The following GRK7 variants were observed in gnomAD, a reference collection of about 807,000 sequenced individuals.
The protein encoded by GRK7 is rhodopsin kinase GRK7.
GRK7 carries 24 observed loss-of-function variants against 34.1 expected under a neutral mutation model. The observed-to-expected ratio is 0.70, with a 90% CI of 0.51 to 0.99. The LOEUF is 0.99. Ranked by LOEUF, GRK7 falls within the 50% of genes least tolerant of loss-of-function variation. The pLI, the probability that GRK7 is intolerant of heterozygous loss-of-function variation, is 0.00. For synonymous variants in GRK7, 256 were observed against 279.4 expected, an observed-to-expected ratio of 0.92 and a Z score of 0.84; for missense variants, 644 against 707.3, an observed-to-expected ratio of 0.91 and a Z score of 1.02.
At chr3:141,813,151 A>G (rs1577929013) in intron 5 of GRK7, among the ~76,000 whole-genome samples, 1 of 152,182 alleles carries the variant, frequency 6.6e-6, no homozygotes, top group East Asian at 1.9e-4. Context: ...TTTATGAGAG[A>G]GTCTTGCTCT....
intron 2 of GRK7, among the ~76,000 whole-genome samples, chr3:141,776,842 T>A (rs1181493695): frequency 6.6e-6 from 1 of 152,206 alleles, no homozygotes; most frequent in Non-Finnish European, 1.5e-5. Context: ...GGCATAATAC[T>A]GAATGACTTG....
At position 141,816,769 on chromosome 3, in the gene GRK7, C is replaced by T. The variant is rs36004830; in HGVS notation, c.1381C>T (p.Arg461Cys). The change falls in exon 6 of 6, where the codon CGC (arginine) becomes TGC (cysteine). Residue 461 changes from arginine to cysteine, a missense_variant. Coordinates refer to ENST00000682958, the MANE Select transcript of GRK7 (RefSeq NM_139209.3). ...HHFFKTINFPRLEAGLIEPPF... is the reference protein window; with the variant it reads ...HHFFKTINFPCLEAGLIEPPF... Reference sequence around the variant, plus strand: ...TTTCTTTAAAACGATCAACTTTCCTCGCCTGGAAGCTGGCCTAATTGAACC... The same window carrying T: ...TTTCTTTAAAACGATCAACTTTCCTTGCCTGGAAGCTGGCCTAATTGAACC... The T allele has an allele frequency of 3.7e-5, 58 of 1,573,824 alleles. No homozygotes were observed. Among genetic ancestry groups the T allele is most frequent in the Non-Finnish European group, 4.3e-5 (50 of 1,160,620 alleles).
At chr3:141,795,551 G>T (rs573877172) in intron 4 of GRK7, among the ~76,000 whole-genome samples, 1 of 152,188 alleles carries the variant, frequency 6.6e-6, no homozygotes, top group African/African-American at 2.4e-5. Context: ...CAGACACCAG[G>T]CCCTAGGGGC....
Position 141,765,113 on chromosome 3 carries a change from G to A in GRK7, c.-840G>A, listed in dbSNP as rs190640725. Among the ~76,000 whole-genome samples, 334 of 152,280 alleles carry A rather than the reference G, an allele frequency of 2.2e-3. 5 individuals are homozygous for A. Among genetic ancestry groups the A allele is most frequent in the East Asian group, 1.7e-3 (9 of 5,184 alleles). On this transcript the variant is annotated 5_prime_UTR_variant, in exon 1 of 6. Transcript: ENST00000682958. ...GAAGGAAAACCTAAGTTCTTGCAGT[G>A]ATCAGTACTGCCTCACTGGTCTGCT...
chr3:141,750,487 A>G, the GRK7 span, among the ~76,000 whole-genome samples: 3 of 152,226 alleles, frequency 2.0e-5, no homozygotes, highest in African/African-American at 4.8e-5. Context: ...CTAAAATGGT[A>G]TAACATTGTT....
In GRK7 at chr3:141,780,803, A is replaced by C. The variant is rs1232865199; in HGVS notation, c.1042A>C (p.Thr348Pro). The part of the protein sequence containing the change: ...AVEMKGGKPI[T>P]QRAGTNGYMA... ...GGAGATGAAGGGTGGCAAGCCCATC[A>C]CCCAGAGGGTGAGTGACTCTCCACC... The change falls in exon 4 of 6, where the codon ACC becomes CCC. Residue 348 changes from threonine to proline, a missense_variant. Transcript: ENST00000682958. 3 of 1,611,740 alleles carry C rather than the reference A, an allele frequency of 1.9e-6. No homozygotes were observed. The highest frequency in any genetic ancestry group is 1.7e-6 in the Non-Finnish European group (2 of 1,178,350).
At chr3:141,755,477 G>A in the GRK7 span, among the ~76,000 whole-genome samples, 2 of 152,346 alleles carry the variant, frequency 1.3e-5, no homozygotes, top group Admixed American at 1.3e-4. Context: ...CTGCCTGAGA[G>A]GGCCATATCC....
chr3:141,782,926 A>C (rs1577915789), intron 4 of GRK7, among the ~76,000 whole-genome samples: 1 of 152,356 alleles, frequency 6.6e-6, no homozygotes, highest in East Asian at 1.9e-4. Flanking sequence ...ACAATAGATT[A>C]AACAAGACAG....
the GRK7 span, among the ~76,000 whole-genome samples, chr3:141,750,190 T>C: frequency 2.6e-5 from 4 of 152,184 alleles, no homozygotes; most frequent in Non-Finnish European, 5.9e-5. Context: ...AATAAAACCC[T>C]CAATTTTCAT....
At chr3:141,805,876 A>AGCCTCGAACTCCTT (rs1246670825) in intron 4 of GRK7, among the ~76,000 whole-genome samples, 1 of 152,146 alleles carries the variant, frequency 6.6e-6, no homozygotes, top group African/African-American at 2.4e-5. Context: ...ATCGCACTAC[A>AGCCTCGAACTCCTT]GCCTCGAACT....
chr3:141,778,727 C>G lies in GRK7; in HGVS notation c.443C>G (p.Thr148Arg). 7 of 1,612,156 alleles carry G rather than the reference C, an allele frequency of 4.3e-6. No homozygotes were observed. Among genetic ancestry groups the G allele is most frequent in the Non-Finnish European group, 5.9e-6 (7 of 1,178,804 alleles). The change falls in exon 3 of 6, where the codon ACG becomes AGG. Residue 148 changes from threonine to arginine, a missense_variant. Physicochemically the swap from Thr to Arg is moderately conservative, Grantham distance 71. Coordinates refer to ENST00000682958, the MANE Select transcript of GRK7 (RefSeq NM_139209.3). This position sits in a 1 kb window ranked among gnomAD's most constrained non-coding sequence, Gnocchi z 4.1. ...GAGGAAGAGCGAGTGGCTGCAGTGA[C>G]GCTGGCCAAGGCTGAGGCCATGGCT... is the stretch of plus-strand genomic sequence containing the variant. The part of the protein sequence containing the change: ...TTEEERVAAV[T>R]LAKAEAMAFL...
At chr3:141,784,553 G>C (rs7652230) in intron 4 of GRK7, among the ~76,000 whole-genome samples, 14,714 of 152,106 alleles carry the variant, frequency 0.097, 1,753 homozygotes, top group African/African-American at 0.28. Flanking sequence ...AACCCCCTTA[G>C]TTTCCTATTC....
chr3:141,811,249 C>T (rs574617592), intron 5 of GRK7, among the ~76,000 whole-genome samples: 2 of 151,622 alleles, frequency 1.3e-5, no homozygotes, highest in South Asian at 2.1e-4. Flanking sequence ...ACCTGGGAGG[C>T]GGAGGTTGAA....
the GRK7 span, among the ~76,000 whole-genome samples, chr3:141,753,137 C>T: frequency 2.6e-5 from 4 of 152,194 alleles, no homozygotes; most frequent in Non-Finnish European, 5.9e-5. Context: ...CTCTGGAATC[C>T]ACATTCTTCA....
chr3:141,789,234 T>C (rs1678707148), intron 4 of GRK7, among the ~76,000 whole-genome samples: 1 of 152,102 alleles, frequency 6.6e-6, no homozygotes, highest in Non-Finnish European at 1.5e-5. Context: ...AAAATGAAAT[T>C]AACGGTTTAC....
At chr3:141,786,768 ACT>A (rs2084698460) in intron 4 of GRK7, among the ~76,000 whole-genome samples, 2 of 149,426 alleles carry the variant, frequency 1.3e-5, no homozygotes, top group Admixed American at 1.3e-4. Context: ...ACAGAGTAAG[ACT>A]CTCGGAAAAA....
chr3:141,790,965 A>G (rs2084721398), intron 4 of GRK7, among the ~76,000 whole-genome samples: 1 of 152,260 alleles, frequency 6.6e-6, no homozygotes, highest in African/African-American at 2.4e-5. Context: ...AAAGATTCCA[A>G]GTAAATATAA....
intron 4 of GRK7, among the ~76,000 whole-genome samples, chr3:141,802,607 C>G (rs368915479): frequency 8.5e-5 from 13 of 152,324 alleles, no homozygotes; most frequent in East Asian, 5.8e-4. Context: ...TTCTCTCCCT[C>G]TTGGACAGTT....
At chr3:141,808,556 T>C in intron 5 of GRK7, among the ~76,000 whole-genome samples, 1 of 151,522 alleles carries the variant, frequency 6.6e-6, no homozygotes, top group Admixed American at 6.6e-5. Context: ...GTAATAAAAC[T>C]ACAAAAATTA....
Sources: gnomAD v4.1 joint callset for allele counts (sites outside exome capture counted in the v4.1 genomes callset) on GRCh38, gnomAD v4.1.1 for gene constraint, Gnocchi (gnomAD v3.1) non-coding constraint, MANE v1.5 for transcripts, NCBI Gene and HGNC (gene_info 2026-07-23, HGNC 2026-07-21) for gene names.